Variants in DOCK1 observed in about 807,000 individuals in gnomAD.
The protein encoded by DOCK1 is dedicator of cytokinesis 1, also known as dedicator of cytokinesis protein 1.
In DOCK1, 138 loss-of-function variants were observed where a neutral mutation model predicts 262.7. The ratio of observed to expected loss-of-function variants is 0.53; its 90% CI spans 0.46 to 0.61. The LOEUF (loss-of-function observed/expected upper bound fraction) is 0.61, where lower values mean the gene tolerates loss of function less well. Ranked by LOEUF, DOCK1 falls within the 20% of genes least tolerant of loss-of-function variation. The pLI, the probability that DOCK1 is intolerant of heterozygous loss-of-function variation, is 0.00. For synonymous variants in DOCK1, 866 were observed against 867.4 expected, an observed-to-expected ratio of 1.00 and a Z score of 0.03; for missense variants, 1,908 against 2,370.7, an observed-to-expected ratio of 0.80 and a Z score of 4.05.
chr10:127,218,335 G>A (rs1024280228), intron 27 of DOCK1, among the ~76,000 whole-genome samples: 1 of 152,154 alleles, frequency 6.6e-6, no homozygotes, highest in Admixed American at 6.5e-5. Context: ...GAATCATCAA[G>A]TCATAAAACT....
At chr10:127,002,849 G>T (rs921976011) in intron 10 of DOCK1, among the ~76,000 whole-genome samples, 1 of 152,166 alleles carries the variant, frequency 6.6e-6, no homozygotes, top group Non-Finnish European at 1.5e-5. Context: ...TTCCCTTCCT[G>T]TCTTGTGTCT....
In DOCK1 at chr10:127,447,409, G is replaced by T. The variant is rs368255250; in HGVS notation, c.5429G>T (p.Gly1810Val). The T allele has an allele frequency of 6.2e-7, 1 of 1,612,512 alleles. No homozygotes were observed. Among genetic ancestry groups the T allele is most frequent in the East Asian group, 2.2e-5 (1 of 44,850 alleles). The change falls in exon 51 of 52, where the codon GGC (glycine) becomes GTC (valine). Residue 1810 changes from glycine (G) to valine (V), a missense_variant. This residue lies in a region of DOCK1 where 383 missense variants were observed against 420.1 expected (regional missense o/e 0.91). Coordinates refer to ENST00000623213, the MANE Select transcript of DOCK1 (RefSeq NM_001290223.2). ...GGTTTTCCAGGCTTGGAGCTGAACG[G>T]CATGACGGGGGCGGACGTGGCCGAT... is the stretch of plus-strand genomic sequence containing the variant. Reference protein sequence around the residue: ...FSMQSSLELNGMTGADVADVP... With the variant: ...FSMQSSLELNVMTGADVADVP...
At chr10:127,305,206 A>G (rs1235152396) in intron 29 of DOCK1, among the ~76,000 whole-genome samples, 1 of 151,998 alleles carries the variant, frequency 6.6e-6, no homozygotes, top group Non-Finnish European at 1.5e-5. Context: ...TGGCACTAAT[A>G]ATTCATTTTC....
chr10:127,012,379 G>A lies in DOCK1; in HGVS notation c.1201+5G>A. 5 of 1,613,614 alleles carry A rather than the reference G, an allele frequency of 3.1e-6. No homozygotes were observed. Among genetic ancestry groups the A allele is most frequent in the Non-Finnish European group, 4.2e-6 (5 of 1,179,602 alleles). On this transcript the variant is annotated splice_donor_5th_base_variant and intron_variant, in intron 12 of 51. Transcript: ENST00000623213. The surrounding 1 kb of genome is among the most constrained non-coding windows in gnomAD (Gnocchi z 4.0). ...AAGTCAACCACAAGGGGCAGGGTAC[G>A]TATTTTCCTATTTTGTTTCTATCAG...
At chr10:127,260,383 G>A (rs2059980516) in intron 29 of DOCK1, among the ~76,000 whole-genome samples, 1 of 152,198 alleles carries the variant, frequency 6.6e-6, no homozygotes, top group Non-Finnish European at 1.5e-5. Context: ...TGTTCATCGT[G>A]TACACGGACT....
chr10:127,402,267 G>A (rs772079961), intron 38 of DOCK1, among the ~76,000 whole-genome samples: 27 of 152,178 alleles, frequency 1.8e-4, no homozygotes, highest in African/African-American at 6.3e-4. Context: ...TGGGAGCACA[G>A]AGGAGGAGAG....
chr10:127,052,921 C>T (rs2044840484), intron 22 of DOCK1, 106 bp downstream of exon 22: 1 of 1,461,150 alleles, frequency 6.8e-7, no homozygotes, highest in Non-Finnish European at 9.2e-7. Flanking sequence ...CTTTCTTCTT[C>T]CCCCTTTTTC....
intron 29 of DOCK1, among the ~76,000 whole-genome samples, chr10:127,261,696 TGC>T (rs2135045785): frequency 7.0e-6 from 1 of 142,646 alleles, no homozygotes; most frequent in Non-Finnish European, 1.5e-5. Context: ...CATGTGGGTG[TGC>T]GTGTACCTGC....
At chr10:127,225,459 C>T (rs1231329955) in intron 27 of DOCK1, among the ~76,000 whole-genome samples, 3 of 152,216 alleles carry the variant, frequency 2.0e-5, no homozygotes, top group Admixed American at 1.3e-4. Flanking sequence ...AGGCAAATGA[C>T]ACAACATAGG....
intron 33 of DOCK1, among the ~76,000 whole-genome samples, chr10:127,364,391 G>A (rs1039517315): frequency 2.0e-5 from 3 of 151,672 alleles, no homozygotes; most frequent in Admixed American, 6.6e-5. Context: ...TTTTTGAGAC[G>A]GAGTCTCGCT....
Position 127,176,435 on chromosome 10 carries a change from G to C in DOCK1, c.2847+48671G>C. 6.5e-7 allele frequency: 1 copy of C among 1,538,380 alleles called. No individual in the cohort carries two copies. The highest frequency in any genetic ancestry group is 8.8e-7 in the Non-Finnish European group (1 of 1,137,246). On this transcript the variant is annotated intron_variant, in intron 27 of 51. Coordinates refer to ENST00000623213, the MANE Select transcript of DOCK1 (RefSeq NM_001290223.2). The surrounding 1 kb of genome is among the most constrained non-coding windows in gnomAD (Gnocchi z 4.4). ...GAAACAGCAACAGAGGTGTCAGTGG[G>C]ACAGAAATACACACTCAAGCACCGG... is the stretch of plus-strand genomic sequence containing the variant.
At chr10:127,079,253 C>T (rs2046756861) in intron 23 of DOCK1, among the ~76,000 whole-genome samples, 1 of 152,170 alleles carries the variant, frequency 6.6e-6, no homozygotes, top group African/African-American at 2.4e-5. Context: ...CCTCTTGATC[C>T]CATTTGCCTC....
chr10:127,451,692 T>C lies in DOCK1; in HGVS notation c.*265T>C, dbSNP rs1370272534. The stretch of plus-strand genomic sequence containing the variant: ...TTGGGGGCCTCTGAGTGTGTCTGGC[T>C]CTGAGAGAGTCTGAGTCTTGCCCAA... On this transcript the variant is annotated 3_prime_UTR_variant, in exon 52 of 52. Coordinates refer to ENST00000623213, the MANE Select transcript of DOCK1 (RefSeq NM_001290223.2). The C allele has an allele frequency of 5.2e-6, 3 of 572,764 alleles. No homozygotes were observed. The highest frequency in any genetic ancestry group is 4.1e-5 in the East Asian group (1 of 24,186). 35.5% of individuals were successfully genotyped at this position (572,764 alleles called of 1,614,324 possible).
At chr10:126,951,634 G>T (rs1016745185) in intron 1 of DOCK1, among the ~76,000 whole-genome samples, 3 of 151,782 alleles carry the variant, frequency 2.0e-5, no homozygotes, top group African/African-American at 7.3e-5. Flanking sequence ...GTTGGTGGTA[G>T]TATTGTTGTT....
chr10:127,364,479 G>A (rs905010412), intron 33 of DOCK1, among the ~76,000 whole-genome samples: 3 of 152,120 alleles, frequency 2.0e-5, no homozygotes, highest in Admixed American at 6.5e-5. Context: ...TGATTCTCCT[G>A]CCTCAGCCTC....
intron 31 of DOCK1, among the ~76,000 whole-genome samples, chr10:127,347,058 A>T (rs112119323): frequency 6.6e-6 from 1 of 152,350 alleles, no homozygotes. Flanking sequence ...TCTTCATGCC[A>T]CTTGATAAGC....
intron 21 of DOCK1, among the ~76,000 whole-genome samples, chr10:127,044,011 G>T (rs1306311732): frequency 6.6e-6 from 1 of 152,088 alleles, no homozygotes; most frequent in African/African-American, 2.4e-5. Context: ...TGACTTACCG[G>T]CTCTTTCTTG....
rs547942979 is a variant in DOCK1, at chr10:127,069,180, C to T, written c.2445+7404C>T. 8.2e-4 allele frequency among the ~76,000 whole-genome samples: 125 copies of T among 152,156 alleles called. 2 individuals carry two copies. Among genetic ancestry groups the T allele is most frequent in the Non-Finnish European group, 7.5e-4 (51 of 68,030 alleles). ...CCCTGCCTTGGTTTCCACTAGAGCT[C>T]CCGTCTGTTTCTTTTCCACTTCCTT... On this transcript the variant is annotated intron_variant, in intron 23 of 51. Coordinates refer to ENST00000623213, the MANE Select transcript of DOCK1 (RefSeq NM_001290223.2).
At chr10:127,088,303 A>G (rs2047317912) in intron 23 of DOCK1, among the ~76,000 whole-genome samples, 1 of 152,202 alleles carries the variant, frequency 6.6e-6, no homozygotes, top group South Asian at 2.1e-4. Context: ...CAATTTTGGA[A>G]GCAGGCACAT....
Sources: gnomAD v4.1 joint callset for allele counts (sites outside exome capture counted in the v4.1 genomes callset) on GRCh38, gnomAD v4.1.1 for gene constraint, gnomAD v4.1.1 regional missense constraint, Gnocchi (gnomAD v3.1) non-coding constraint, MANE v1.5 for transcripts, NCBI Gene and HGNC (gene_info 2026-07-23, HGNC 2026-07-21) for gene names.